Variants in ATP6V1E2 observed in about 807,000 individuals in gnomAD.
The protein encoded by ATP6V1E2 is V-type proton ATPase subunit E 2.
For missense variants in ATP6V1E2, 308 were observed against 273.3 expected (o/e 1.13, Z -0.90); for synonymous variants, 121 against 104.2 (o/e 1.16, Z -0.98).
At chr2:46,515,754 A>G (rs1687685127) in intron 4 of ATP6V1E2, among the ~76,000 whole-genome samples, 1 of 152,236 alleles carries the variant, frequency 6.6e-6, no homozygotes, top group Non-Finnish European at 1.5e-5. Flanking sequence ...AACAAAAATA[A>G]ACAAGATCTT....
intron 2 of ATP6V1E2, among the ~76,000 whole-genome samples, chr2:46,540,318 G>A (rs904274687): frequency 1.3e-5 from 2 of 151,946 alleles, no homozygotes; most frequent in African/African-American, 4.8e-5. Flanking sequence ...GCTACTTGGA[G>A]GCTGAGGCTG....
intron 1 of ATP6V1E2, 116 bp from the exon 2 acceptor site, chr2:46,541,569 T>G (rs1392536055): frequency 6.6e-6 from 1 of 152,260 alleles, no homozygotes; most frequent in East Asian, 1.9e-4. Context: ...TTTCTAGGTC[T>G]CAGTTTTCTT....
rs539261391 is a variant in ATP6V1E2 at position 46,511,949 on chromosome 2, G to C, written c.*82C>G. The C allele has an allele frequency of 3.2e-6, 4 of 1,253,116 alleles. No individual in the cohort carries two copies. The highest frequency in any genetic ancestry group is 4.4e-6 in the Non-Finnish European group (4 of 905,490). 77.6% of individuals were successfully genotyped at this position (1,253,116 alleles called of 1,614,324 possible). Reference sequence around the variant, plus strand: ...ACAGTATCAGAGCATCAAAGAGGAGGAAACACTACTAGTTTCCTTTCCCCA... The same window carrying C: ...ACAGTATCAGAGCATCAAAGAGGAGCAAACACTACTAGTTTCCTTTCCCCA... On this transcript the variant is annotated 3_prime_UTR_variant, in exon 5 of 5. Transcript: ENST00000522587.
intron 4 of ATP6V1E2, among the ~76,000 whole-genome samples, chr2:46,517,007 A>C (rs1687742859): frequency 6.6e-6 from 1 of 152,250 alleles, no homozygotes; most frequent in Non-Finnish European, 1.5e-5. Flanking sequence ...TAGAATCACA[A>C]AGGACCCCAA....
Position 46,530,658 on chromosome 2 carries a change from A to G in ATP6V1E2, c.-102+5155T>C, listed in dbSNP as rs1311416813. ...GTATTAGTTTGTTCTCACACTGCGA[A>G]TAAAGACATAACCAGGACTGGGTAA... On this transcript the variant is annotated intron_variant, in intron 4 of 4. Transcript: ENST00000522587. This position sits in a 1 kb window ranked among gnomAD's most constrained non-coding sequence, Gnocchi z 5.2. 6.6e-6 allele frequency among the ~76,000 whole-genome samples: 1 copy of G among 152,188 alleles called. No individual in the cohort carries two copies. Among genetic ancestry groups the G allele is most frequent in the Non-Finnish European group, 1.5e-5 (1 of 68,036 alleles).
chr2:46,540,205 T>C (rs1667658389), intron 2 of ATP6V1E2, among the ~76,000 whole-genome samples: 1 of 152,088 alleles, frequency 6.6e-6, no homozygotes, highest in Non-Finnish European at 1.5e-5. Context: ...CGGATCACTT[T>C]GAACTCAGGA....
At chr2:46,513,435 A>G (rs1687569570) in intron 4 of ATP6V1E2, among the ~76,000 whole-genome samples, 2 of 152,184 alleles carry the variant, frequency 1.3e-5, no homozygotes, top group South Asian at 2.1e-4. Flanking sequence ...TGTAAGCTCC[A>G]TTTGGTCTAT....
chr2:46,518,079 G>C (rs1017170453), intron 4 of ATP6V1E2, among the ~76,000 whole-genome samples: 2 of 152,146 alleles, frequency 1.3e-5, no homozygotes, highest in African/African-American at 4.8e-5. Context: ...ATTCAAAATA[G>C]CCAAGAGGTA....
intron 2 of ATP6V1E2, among the ~76,000 whole-genome samples, chr2:46,538,812 A>G (rs1558672315): frequency 6.6e-6 from 1 of 152,222 alleles, no homozygotes; most frequent in Non-Finnish European, 1.5e-5. Flanking sequence ...TCCCAAATTC[A>G]AAATTCTCAG....
intron 4 of ATP6V1E2, among the ~76,000 whole-genome samples, chr2:46,516,058 T>C (rs536710499): frequency 3.7e-4 from 57 of 152,100 alleles, no homozygotes; most frequent in African/African-American, 1.4e-3. Context: ...AAGGAAGAAA[T>C]AGACAGCAAT....
Position 46,522,649 on chromosome 2 carries a change from C to T in ATP6V1E2, c.-101-9837G>A, listed in dbSNP as rs1308938436. ...CTTTATCCAATCTATCACTGATGGG[C>T]ATTTGGGTTGGTTCCAAGTCTTTGC... is the stretch of plus-strand genomic sequence containing the variant. On this transcript the variant is annotated intron_variant, in intron 4 of 4. Transcript: ENST00000522587. Among the ~76,000 whole-genome samples, 5 of 152,216 alleles carry T rather than the reference C, an allele frequency of 3.3e-5. 1 individual carries two copies. The highest frequency in any genetic ancestry group is 2.6e-4 in the Admixed American group (4 of 15,282).
intron 4 of ATP6V1E2, among the ~76,000 whole-genome samples, chr2:46,523,617 C>T (rs146455855): frequency 9.2e-5 from 14 of 152,132 alleles, no homozygotes; most frequent in African/African-American, 1.7e-4. Flanking sequence ...AGTACCATGC[C>T]GTTTTGGTTA....
rs1368291765 is a variant in ATP6V1E2, at chr2:46,512,767, G to C, written c.-56C>G. 14 of 1,461,486 alleles carry C rather than the reference G, an allele frequency of 9.6e-6. No homozygotes were observed. Among genetic ancestry groups the C allele is most frequent in the African/African-American group, 1.4e-5 (1 of 70,800 alleles). The allele number at this position is 1,461,486 out of a possible 1,614,324, so 90.5% of individuals were successfully genotyped here. ...AGCTCGTACACCGTTTGGCTCCTTT[G>C]ACTTAGGACAATTTCAGGAGTGTCT... On this transcript the variant is annotated 5_prime_UTR_variant, in exon 5 of 5. Transcript: ENST00000522587.
intron 4 of ATP6V1E2, among the ~76,000 whole-genome samples, chr2:46,514,259 A>G (rs1330818715): frequency 6.6e-6 from 1 of 152,084 alleles, no homozygotes; most frequent in African/African-American, 2.4e-5. Context: ...AGCTTGGGTG[A>G]CAAGAGTGAG....
chr2:46,511,922 GA>G lies in ATP6V1E2; in HGVS notation c.*108del, dbSNP rs1384633706. 6 of 987,548 alleles carry G rather than the reference GA, an allele frequency of 6.1e-6. No homozygotes were observed. The African/African-American group carries it at 9.9e-5, about 16-fold the overall frequency. 61.2% of individuals were successfully genotyped at this position (987,548 alleles called of 1,614,324 possible). A position where few individuals can be genotyped will look rare whatever the true frequency, so the allele number is the denominator to read the frequency against. On this transcript the variant is annotated 3_prime_UTR_variant, in exon 5 of 5. Coordinates refer to ENST00000522587, the MANE Select transcript of ATP6V1E2 (RefSeq NM_001318063.2). ...AAAGGGTATTTCGTGAAGAAAAACA[GA>G]ACAGTATCAGAGCATCAAAGAGGAG...
At position 46,533,284 on chromosome 2, in the gene ATP6V1E2, G is replaced by GT. The variant is rs545792924; in HGVS notation, c.-102+2528dup. ...GTTTGGGGTTTTTTTGTTTTGTTTT[G>GT]TTTTTTTGAGACATGGTCTGGCTCT... On this transcript the variant is annotated intron_variant, in intron 4 of 4. Transcript: ENST00000522587. Among the ~76,000 whole-genome samples the GT allele has an allele frequency of 3.4e-3, 519 of 151,600 alleles. 3 individuals carry two copies. Among genetic ancestry groups the GT allele is most frequent in the Non-Finnish European group, 6.2e-3 (424 of 67,872 alleles).
chr2:46,514,566 G>C (rs1211284234), intron 4 of ATP6V1E2, among the ~76,000 whole-genome samples: 1 of 152,126 alleles, frequency 6.6e-6, no homozygotes, highest in Non-Finnish European at 1.5e-5. Context: ...GAAAAGATCA[G>C]TGAGCTTGAA....
chr2:46,512,480 G>C lies in ATP6V1E2; in HGVS notation c.232C>G (p.Gln78Glu), dbSNP rs377266255. The change falls in exon 5 of 5, where the codon CAG becomes GAG. Residue 78 changes from glutamine (Q) to glutamate (E), a missense_variant. Gln to Glu is a conservative substitution (Grantham distance 29). Coordinates refer to ENST00000522587, the MANE Select transcript of ATP6V1E2 (RefSeq NM_001318063.2). Reference sequence around the variant, plus strand: ...GCTCTCAGGACTTTCAGCCTCGCCTGATTCCTCATGGTGGACATCAGGATT... The same window carrying C: ...GCTCTCAGGACTTTCAGCCTCGCCTCATTCCTCATGGTGGACATCAGGATT... ...KKILMSTMRN[Q>E]ARLKVLRARN... 23 of 1,614,096 alleles carry C rather than the reference G, an allele frequency of 1.4e-5. No homozygotes were observed. The highest frequency in any genetic ancestry group is 8.5e-7 in the Non-Finnish European group (1 of 1,180,046).
rs536079901 is a variant in ATP6V1E2 at position 46,525,724 on chromosome 2, A to G, written c.-102+10089T>C. Among the ~76,000 whole-genome samples the G allele has an allele frequency of 9.2e-5, 14 of 152,296 alleles. No homozygotes were observed. The East Asian group carries it at 2.7e-3, about 29-fold the overall frequency. On this transcript the variant is annotated intron_variant, in intron 4 of 4. Coordinates refer to ENST00000522587, the MANE Select transcript of ATP6V1E2 (RefSeq NM_001318063.2). The stretch of plus-strand genomic sequence containing the variant: ...CTTTGGTCAGGACTGGAGAAAGCTA[A>G]TGCCTACAGGCAGGGGAAGAAACCT...
Sources: gnomAD v4.1 joint callset for allele counts (sites outside exome capture counted in the v4.1 genomes callset) on GRCh38, gnomAD v4.1.1 for gene constraint, Gnocchi (gnomAD v3.1) non-coding constraint, MANE v1.5 for transcripts, NCBI Gene and HGNC (gene_info 2026-07-23, HGNC 2026-07-21) for gene names.